The following CSMD1 variants were observed in gnomAD, a reference collection of about 807,000 sequenced individuals.
The protein encoded by CSMD1 is CUB and sushi domain-containing protein 1.
Under a neutral mutation model 417.5 loss-of-function variants are expected in CSMD1, and 213 were observed. The ratio of observed to expected loss-of-function variants is 0.51; its 90% CI spans 0.46 to 0.57. CSMD1 has a LOEUF of 0.57. Among genes scored for constraint, CSMD1 ranks in the 20% least tolerant of loss-of-function variants. The probability of loss-of-function intolerance (pLI) is 0.00; values close to 1 mark genes in which losing one functional copy is unlikely to be tolerated. For missense variants in CSMD1, 6,923 were observed against 4,529.7 expected, an observed-to-expected ratio of 1.53 and a Z score of -15.17; for synonymous variants, 2,862 against 1,736.8, an observed-to-expected ratio of 1.65 and a Z score of -16.11.
At chr8:3,875,002 C>G (rs147258347) in intron 5 of CSMD1, among the ~76,000 whole-genome samples, 4 of 151,456 alleles carry the variant, frequency 2.6e-5, no homozygotes, top group African/African-American at 9.8e-5. Flanking sequence ...GCTGCATCAT[C>G]TCAAGAAGAA....
intron 37 of CSMD1, among the ~76,000 whole-genome samples, chr8:3,176,794 C>G (rs199966788): frequency 1.1e-5 from 1 of 93,826 alleles, no homozygotes; most frequent in Non-Finnish European, 2.3e-5. Flanking sequence ...TTTTTTTTTT[C>G]TTGAGACAGG....
Position 3,796,358 on chromosome 8 carries a change from G to T in CSMD1, c.819-42316C>A, listed in dbSNP as rs188888994. On this transcript the variant is annotated intron_variant, in intron 5 of 69. Transcript: ENST00000635120. ...TATAGATATATATCTATCATGTATAGATATAGATATCTATCATGTATATAT... is the reference window on the plus strand; with the variant it reads ...TATAGATATATATCTATCATGTATATATATAGATATCTATCATGTATATAT... Among the ~76,000 whole-genome samples, 5 of 96,120 alleles carry T rather than the reference G, an allele frequency of 5.2e-5. 2 individuals carry two copies. The South Asian group carries it at 1.7e-3, about 32-fold the overall frequency. The allele number at this position is 96,120 out of a possible 152,430, so 63.1% of individuals were successfully genotyped here.
chr8:4,964,501 CCAAAAAAA>C (rs1464641404), intron 1 of CSMD1, among the ~76,000 whole-genome samples: 28 of 81,058 alleles, frequency 3.5e-4, no homozygotes, highest in African/African-American at 1.5e-3. Context: ...GACCCTGTCT[CCAAAAAAA>C]AAAAAAAAAA....
At chr8:3,828,536 T>G (rs1368688071) in intron 5 of CSMD1, among the ~76,000 whole-genome samples, 1 of 152,208 alleles carries the variant, frequency 6.6e-6, no homozygotes, top group Non-Finnish European at 1.5e-5. Context: ...CTCTCCTTTT[T>G]CCACCTTCTT....
intron 41 of CSMD1, among the ~76,000 whole-genome samples, chr8:3,138,457 C>T (rs1477491488): frequency 6.6e-6 from 1 of 152,164 alleles, no homozygotes; most frequent in Non-Finnish European, 1.5e-5. Context: ...ATTTTGAAGG[C>T]ACCTCTATCC....
At chr8:3,376,222 A>G (rs1810293687) in intron 18 of CSMD1, among the ~76,000 whole-genome samples, 1 of 152,036 alleles carries the variant, frequency 6.6e-6, no homozygotes, top group Non-Finnish European at 1.5e-5. Context: ...AAATATTTTA[A>G]TAACATAATT....
At chr8:3,926,573 C>G (rs1036200791) in intron 5 of CSMD1, among the ~76,000 whole-genome samples, 1 of 151,566 alleles carries the variant, frequency 6.6e-6, no homozygotes, top group Non-Finnish European at 1.5e-5. Context: ...GATGATTATT[C>G]TAACATTTAT....
At chr8:4,732,345 G>GTGTGTGTC (rs1491121557) in intron 1 of CSMD1, among the ~76,000 whole-genome samples, 13 of 5,458 alleles carry the variant, frequency 2.4e-3, no homozygotes, top group Middle Eastern at 0.083. Context: ...TTTCTTCTGC[G>GTGTGTGTC]TGTGTGTGTG....
intron 1 of CSMD1, among the ~76,000 whole-genome samples, chr8:4,856,532 A>G (rs1012411248): frequency 1.4e-5 from 2 of 139,780 alleles, no homozygotes; most frequent in Non-Finnish European, 3.1e-5. Flanking sequence ...TCTCACGTGC[A>G]GAGACACACA....
chr8:4,841,929 A>ACAAAAAACAAAC (rs1467973484), intron 1 of CSMD1, among the ~76,000 whole-genome samples: 2 of 144,368 alleles, frequency 1.4e-5, no homozygotes, highest in South Asian at 2.3e-4. Context: ...AAAAAAAAAA[A>ACAAAAAACAAAC]AAAAAAAAAG....
intron 2 of CSMD1, among the ~76,000 whole-genome samples, chr8:4,519,505 C>G (rs1347987845): frequency 2.0e-5 from 3 of 151,484 alleles, no homozygotes; most frequent in African/African-American, 7.3e-5. Flanking sequence ...TTTGGGAGGC[C>G]AAGCAGGGTG....
chr8:4,845,937 T>C (rs1801114540), intron 1 of CSMD1, among the ~76,000 whole-genome samples: 1 of 152,242 alleles, frequency 6.6e-6, no homozygotes, highest in Non-Finnish European at 1.5e-5. Flanking sequence ...CTTTGCCTAT[T>C]TTGCATACAC....
At chr8:4,492,880 T>A (rs1801777934) in intron 2 of CSMD1, among the ~76,000 whole-genome samples, 1 of 152,202 alleles carries the variant, frequency 6.6e-6, no homozygotes, top group African/African-American at 2.4e-5. Context: ...AAATACATTT[T>A]TCATTTAACA....
intron 3 of CSMD1, among the ~76,000 whole-genome samples, chr8:4,069,266 A>G (rs1286415432): frequency 6.6e-6 from 1 of 152,162 alleles, no homozygotes; most frequent in Non-Finnish European, 1.5e-5. Context: ...ATTACTGTGA[A>G]TTCTTTGTCT....
rs139010356 is a variant in CSMD1, at chr8:3,259,580, G to T, written c.4153+24564C>A. ...TACAACTCCATTACAATGATTAGTTGTTAAACATGATGTGTCTTTTCTCAT... is the reference window on the plus strand; with the variant it reads ...TACAACTCCATTACAATGATTAGTTTTTAAACATGATGTGTCTTTTCTCAT... On this transcript the variant is annotated intron_variant, in intron 26 of 69. Transcript: ENST00000635120. Among the ~76,000 whole-genome samples the T allele has an allele frequency of 2.7e-3, 414 of 152,214 alleles. 5 individuals are homozygous for T. The highest frequency in any genetic ancestry group is 9.6e-3 in the African/African-American group (398 of 41,540).
chr8:4,487,671 G>A (rs545668796), intron 2 of CSMD1, among the ~76,000 whole-genome samples: 1 of 152,084 alleles, frequency 6.6e-6, no homozygotes, highest in East Asian at 1.9e-4. Flanking sequence ...GGATTTTTCT[G>A]TAAAATAATT....
At chr8:4,058,142 G>T (rs1019805771) in intron 3 of CSMD1, among the ~76,000 whole-genome samples, 1 of 152,076 alleles carries the variant, frequency 6.6e-6, no homozygotes, top group Non-Finnish European at 1.5e-5. Context: ...CCATTTTCAC[G>T]ATATTGACTC....
intron 12 of CSMD1, among the ~76,000 whole-genome samples, chr8:3,426,369 T>C (rs1276827865): frequency 6.6e-6 from 1 of 152,228 alleles, no homozygotes; most frequent in Non-Finnish European, 1.5e-5. Flanking sequence ...TCATAGATAC[T>C]TGGAACTCCC....
intron 10 of CSMD1, among the ~76,000 whole-genome samples, chr8:3,514,306 G>C (rs1563111252): frequency 1.3e-5 from 2 of 152,186 alleles, no homozygotes; most frequent in Admixed American, 6.5e-5. Context: ...GTGCATTGCA[G>C]CTAGTAGATA....
Sources: allele counts gnomAD v4.1 joint callset (sites outside exome capture counted in the v4.1 genomes callset), GRCh38; gene constraint gnomAD v4.1.1; transcripts MANE v1.5; gene names NCBI Gene and HGNC (gene_info 2026-07-23, HGNC 2026-07-21).